SCD5: variants seen among roughly 807,000 people sequenced by gnomAD.
SCD5 encodes the protein stearoyl-CoA desaturase 5.
In SCD5, 20 loss-of-function variants were observed where a neutral mutation model predicts 30.4. That is an observed-to-expected ratio of 0.66 (90% CI 0.46 to 0.96). The LOEUF (loss-of-function observed/expected upper bound fraction) is 0.96, where lower values mean the gene tolerates loss of function less well. SCD5 is among the 40% of genes least tolerant of loss of function. SCD5 has a pLI of 0.00. For synonymous variants in SCD5, 173 were observed against 176.4 expected (o/e 0.98, Z 0.16); for missense variants, 381 against 443.3 (o/e 0.86, Z 1.26).
At chr4:82,697,938 GA>G (rs1719730522) in intron 2 of SCD5, 1 of 450,960 alleles carries the variant, frequency 2.2e-6, no homozygotes, top group Admixed American at 2.4e-5. Flanking sequence ...CTTTTCTCAT[GA>G]CTTCCAAATG....
intron 3 of SCD5, among the ~76,000 whole-genome samples, chr4:82,664,290 C>A (rs1728116036): frequency 1.3e-5 from 2 of 152,162 alleles, no homozygotes; most frequent in South Asian, 4.1e-4. Context: ...TTAATTGACC[C>A]AACCCCAACC....
chr4:82,683,554 T>C (rs1186803987), intron 2 of SCD5, among the ~76,000 whole-genome samples: 3 of 152,196 alleles, frequency 2.0e-5, no homozygotes, highest in Non-Finnish European at 4.4e-5. Flanking sequence ...ACTCTCCAAA[T>C]GTTGCAGGGA....
chr4:82,747,347 T>C (rs980844174), intron 1 of SCD5, among the ~76,000 whole-genome samples: 2 of 152,100 alleles, frequency 1.3e-5, no homozygotes, highest in African/African-American at 4.8e-5. Context: ...CCTGCCTGAG[T>C]CTCACAGTTA....
At chr4:82,693,024 A>G (rs1719596256) in intron 2 of SCD5, among the ~76,000 whole-genome samples, 1 of 152,148 alleles carries the variant, frequency 6.6e-6, no homozygotes, top group Non-Finnish European at 1.5e-5. Context: ...CTGGGAGCAG[A>G]GACTTTGGAC....
intron 1 of SCD5, among the ~76,000 whole-genome samples, chr4:82,721,221 C>T (rs936433936): frequency 6.6e-6 from 1 of 152,108 alleles, no homozygotes; most frequent in South Asian, 2.1e-4. Flanking sequence ...TGCCCCGTTT[C>T]GCAGCTCCCT....
chr4:82,788,160 A>C (rs1722023989), intron 1 of SCD5, among the ~76,000 whole-genome samples: 3 of 152,220 alleles, frequency 2.0e-5, no homozygotes, highest in African/African-American at 7.2e-5. Flanking sequence ...GGTCCTTACC[A>C]GACGCCAATC....
At chr4:82,778,970 G>A (rs1337032469) in intron 1 of SCD5, among the ~76,000 whole-genome samples, 1 of 151,678 alleles carries the variant, frequency 6.6e-6, no homozygotes, top group African/African-American at 2.4e-5. Flanking sequence ...AGGTTCAAGC[G>A]ATTCTCCTGC....
chr4:82,793,452 T>C (rs1354972612), intron 1 of SCD5, among the ~76,000 whole-genome samples: 6 of 152,168 alleles, frequency 3.9e-5, no homozygotes, highest in Non-Finnish European at 8.8e-5. Flanking sequence ...ACAGAAGGGA[T>C]TTGTGTTCAT....
intron 1 of SCD5, among the ~76,000 whole-genome samples, chr4:82,745,813 A>G (rs1720970756): frequency 6.6e-6 from 1 of 152,202 alleles, no homozygotes; most frequent in South Asian, 2.1e-4. Flanking sequence ...CATATCACTG[A>G]GGTAGGTAAG....
At chr4:82,674,073 T>G (rs535049985) in intron 3 of SCD5, among the ~76,000 whole-genome samples, 94 of 152,212 alleles carry the variant, frequency 6.2e-4, no homozygotes, top group African/African-American at 2.2e-3. Context: ...ATAGAAAATG[T>G]AGATGACTCT....
chr4:82,729,634 G>GT (rs35666038), intron 1 of SCD5, among the ~76,000 whole-genome samples: 79,155 of 151,946 alleles, frequency 0.52, 21,657 homozygotes, highest in African/African-American at 0.68. Flanking sequence ...AACATGAAGG[G>GT]AGCAGAACAT....
intron 4 of SCD5, among the ~76,000 whole-genome samples, chr4:82,632,930 G>T (rs1254370479): frequency 6.6e-6 from 1 of 152,006 alleles, no homozygotes; most frequent in Non-Finnish European, 1.5e-5. Context: ...TATAAATTTT[G>T]GAATAGTTAA....
intron 1 of SCD5, among the ~76,000 whole-genome samples, chr4:82,783,046 A>T (rs1269004494): frequency 6.6e-6 from 1 of 152,192 alleles, no homozygotes. Context: ...TAAAATGCAG[A>T]TTCCTGGGTC....
intron 2 of SCD5, among the ~76,000 whole-genome samples, chr4:82,704,270 C>T (rs930756390): frequency 4.6e-5 from 7 of 152,150 alleles, no homozygotes; most frequent in Admixed American, 4.6e-4. Flanking sequence ...GTCTGAGGGC[C>T]ACAGGGAAGC....
At chr4:82,746,376 C>G (rs1310132936) in intron 1 of SCD5, among the ~76,000 whole-genome samples, 2 of 152,212 alleles carry the variant, frequency 1.3e-5, no homozygotes, top group African/African-American at 4.8e-5. Context: ...GATGAGACTC[C>G]ATAAATGTGT....
At chr4:82,686,233 T>C (rs1728701724) in intron 2 of SCD5, among the ~76,000 whole-genome samples, 1 of 152,196 alleles carries the variant, frequency 6.6e-6, no homozygotes, top group African/African-American at 2.4e-5. Flanking sequence ...CTTAAACTTC[T>C]GGGCTCAAGG....
At chr4:82,675,079 T>C (rs987264860) in intron 3 of SCD5, among the ~76,000 whole-genome samples, 4 of 152,178 alleles carry the variant, frequency 2.6e-5, no homozygotes, top group African/African-American at 7.2e-5. Flanking sequence ...TCCAAACCCA[T>C]GGACTATACA....
At chr4:82,701,409 T>C (rs1719837573) in intron 2 of SCD5, among the ~76,000 whole-genome samples, 1 of 152,100 alleles carries the variant, frequency 6.6e-6, no homozygotes, top group African/African-American at 2.4e-5. Flanking sequence ...ATATCAATAA[T>C]TGGTAACTTG....
intron 1 of SCD5, among the ~76,000 whole-genome samples, chr4:82,773,832 C>T (rs1276349044): frequency 6.6e-6 from 1 of 152,030 alleles, no homozygotes; most frequent in African/African-American, 2.4e-5. Context: ...GGCGTGGTGG[C>T]TCATCCCAGC....
Sources: allele counts gnomAD v4.1 joint callset (sites outside exome capture counted in the v4.1 genomes callset), GRCh38; gene constraint gnomAD v4.1.1; transcripts MANE v1.5; gene names NCBI Gene and HGNC (gene_info 2026-07-23, HGNC 2026-07-21).